The following SUMF1 variants were observed in gnomAD, a reference collection of about 807,000 sequenced individuals.
SUMF1 encodes formylglycine-generating enzyme.
SUMF1 carries 48 observed loss-of-function variants against 47.6 expected under a neutral mutation model. The ratio of observed to expected loss-of-function variants is 1.01; its 90% CI spans 0.80 to 1.28. The LOEUF is 1.28. Ranked by LOEUF, SUMF1 falls within the 50% of genes most tolerant of loss-of-function variation. SUMF1 has a pLI of 0.00. For missense variants in SUMF1, 571 were observed against 485.4 expected (o/e 1.18, Z -1.66); for synonymous variants, 230 against 192.1 (o/e 1.20, Z -1.63).
chr3:4,187,957 T>G (rs1156782466), intron 8 of SUMF1, among the ~76,000 whole-genome samples: 2 of 152,176 alleles, frequency 1.3e-5, no homozygotes, highest in African/African-American at 4.8e-5. Context: ...TGACCCCTCA[T>G]GATAAAACTG....
chr3:4,438,216 A>T (rs1702463759), intron 3 of SUMF1, among the ~76,000 whole-genome samples: 1 of 92,164 alleles, frequency 1.1e-5, no homozygotes, highest in Non-Finnish European at 2.2e-5. Context: ...ATTAATTTCA[A>T]TAGCTATAAG....
chr3:4,266,599 G>T (rs1697199675), intron 8 of SUMF1, among the ~76,000 whole-genome samples: 1 of 151,516 alleles, frequency 6.6e-6, no homozygotes, highest in African/African-American at 2.4e-5. Flanking sequence ...TGCTGAAGTT[G>T]CTTATCAGCT....
intron 8 of SUMF1, among the ~76,000 whole-genome samples, chr3:4,204,403 T>C (rs1695606817): frequency 6.6e-6 from 1 of 152,170 alleles, no homozygotes; most frequent in South Asian, 2.1e-4. Context: ...GCTTTTAGGA[T>C]CCATTCTTTA....
intron 8 of SUMF1, 67 bp downstream of exon 8, chr3:4,376,263 T>C: frequency 1.3e-6 from 2 of 1,577,804 alleles, no homozygotes; most frequent in Non-Finnish European, 1.7e-6. Flanking sequence ...GGGGCTATCA[T>C]TTACAATGGA....
chr3:4,277,850 C>A (rs1490194743), intron 8 of SUMF1, among the ~76,000 whole-genome samples: 3 of 152,014 alleles, frequency 2.0e-5, no homozygotes, highest in African/African-American at 7.2e-5. Context: ...TCCACAAGTA[C>A]CTTTAAACAG....
chr3:4,229,327 G>A (rs927234449), intron 8 of SUMF1: 14 of 412,400 alleles, frequency 3.4e-5, no homozygotes, highest in Non-Finnish European at 5.8e-5. Flanking sequence ...ATCCTCTGGT[G>A]AGCCTTTGAT....
chr3:4,358,437 A>G (rs1019665580), downstream of SUMF1, among the ~76,000 whole-genome samples: 17 of 152,206 alleles, frequency 1.1e-4, no homozygotes, highest in Non-Finnish European at 1.5e-4. Flanking sequence ...CTCGGCTCCA[A>G]CTGTTTATCT....
At chr3:4,328,579 G>A (rs1575102186) in intron 8 of SUMF1, among the ~76,000 whole-genome samples, 1 of 152,114 alleles carries the variant, frequency 6.6e-6, no homozygotes, top group East Asian at 1.9e-4. Flanking sequence ...CAGTATGGGG[G>A]AAACTGCCTC....
At chr3:4,445,433 G>A (rs1365308707) in intron 3 of SUMF1, among the ~76,000 whole-genome samples, 2 of 152,128 alleles carry the variant, frequency 1.3e-5, no homozygotes, top group African/African-American at 2.4e-5. Flanking sequence ...GAACTCCTGG[G>A]CTCAAGTGAT....
intron 3 of SUMF1, among the ~76,000 whole-genome samples, chr3:4,440,172 G>T (rs1251742410): frequency 6.8e-6 from 1 of 146,890 alleles, no homozygotes; most frequent in East Asian, 2.0e-4. Flanking sequence ...GGAGGCAGAG[G>T]TTGGTTGCAG....
At chr3:4,342,448 G>A (rs1428810369) in intron 8 of SUMF1, among the ~76,000 whole-genome samples, 2 of 152,178 alleles carry the variant, frequency 1.3e-5, no homozygotes, top group African/African-American at 2.4e-5. Context: ...CATAAGAATA[G>A]CTTGAACCCA....
At chr3:4,417,956 T>C (rs1701768538) in intron 5 of SUMF1, 54 bp downstream of exon 5, 2 of 1,613,068 alleles carry the variant, frequency 1.2e-6, no homozygotes, top group Non-Finnish European at 1.7e-6. Context: ...TTGTTGTTGT[T>C]TGTTTGTTCA....
chr3:4,235,276 T>C (rs1429604267), intron 8 of SUMF1, among the ~76,000 whole-genome samples: 1 of 152,094 alleles, frequency 6.6e-6, no homozygotes, highest in Non-Finnish European at 1.5e-5. Context: ...GCCTGAGCAA[T>C]TATCTGAGGG....
At chr3:4,352,265 G>C (rs2662125) in intron 8 of SUMF1, among the ~76,000 whole-genome samples, 42,653 of 151,950 alleles carry the variant, frequency 0.28, 7,555 homozygotes, top group African/African-American at 0.49. Context: ...TTTTCTAAGT[G>C]CACATTGGGA....
chr3:4,170,883 C>G (rs200558082), intron 8 of SUMF1, among the ~76,000 whole-genome samples: 3 of 151,906 alleles, frequency 2.0e-5, no homozygotes, highest in East Asian at 3.9e-4. Context: ...AAAAATAAAC[C>G]CAGAAGCAGA....
At chr3:4,440,103 G>A (rs1289875295) in intron 3 of SUMF1, among the ~76,000 whole-genome samples, 3 of 151,964 alleles carry the variant, frequency 2.0e-5, no homozygotes, top group Non-Finnish European at 4.4e-5. Context: ...GGGCTTGGTG[G>A]CGGGAGCCTA....
At chr3:4,382,907 C>A (rs552234946) in intron 7 of SUMF1, among the ~76,000 whole-genome samples, 5 of 152,084 alleles carry the variant, frequency 3.3e-5, no homozygotes, top group Non-Finnish European at 7.4e-5. Flanking sequence ...ACATCACACA[C>A]TGGGGCCTGT....
At chr3:4,211,605 T>C (rs946269728) in intron 8 of SUMF1, among the ~76,000 whole-genome samples, 4 of 151,990 alleles carry the variant, frequency 2.6e-5, no homozygotes, top group Non-Finnish European at 5.9e-5. Context: ...TTAAAAAACA[T>C]AGACAAGTTC....
intron 8 of SUMF1, among the ~76,000 whole-genome samples, chr3:4,240,001 C>T (rs952665807): frequency 6.6e-6 from 1 of 152,038 alleles, no homozygotes; most frequent in Non-Finnish European, 1.5e-5. Context: ...TTGTTGAAGG[C>T]CCTTTCTCCA....
Sources: gnomAD v4.1 joint callset for allele counts (sites outside exome capture counted in the v4.1 genomes callset) on GRCh38, gnomAD v4.1.1 for gene constraint, MANE v1.5 for transcripts, NCBI Gene and HGNC (gene_info 2026-07-23, HGNC 2026-07-21) for gene names.